Variants in MPP7 observed in about 807,000 individuals in gnomAD.
MPP7 encodes the protein MAGUK p55 subfamily member 7.
Under a neutral mutation model 76.5 loss-of-function variants are expected in MPP7, and 60 were observed. That is an observed-to-expected ratio of 0.78 (90% confidence interval 0.64 to 0.97). MPP7 has a LOEUF of 0.97. MPP7 is among the 50% of genes least tolerant of loss of function. MPP7 has a pLI of 0.00. For missense variants in MPP7, 641 were observed against 694.0 expected, an observed-to-expected ratio of 0.92 and a Z score of 0.86; for synonymous variants, 237 against 244.5, an observed-to-expected ratio of 0.97 and a Z score of 0.29.
rs1245063181 is a variant in MPP7 at position 28,124,036 on chromosome 10, T to C, written c.610A>G (p.Ile204Val). ...EDKRPEEIIQ[I>V]LAQSQGAITF... is the part of the protein sequence containing the mutation. ...AAAAGAAATTTACAGCTTACCAAAA[T>C]CTGTATTATTTCCTCAGGCCTTTTA... is the stretch of plus-strand genomic sequence containing the variant. Residue 204 changes from isoleucine to valine, a missense_variant, in exon 8 of 17, where the codon ATT becomes GTT. Ile to Val is a conservative substitution (Grantham distance 29). Coordinates refer to ENST00000683449, the MANE Select transcript of MPP7 (RefSeq NM_001318170.2). 2 of 1,599,126 alleles carry C rather than the reference T, an allele frequency of 1.3e-6. No homozygotes were observed. Among genetic ancestry groups the C allele is most frequent in the Admixed American group, 3.3e-5 (2 of 59,950 alleles).
upstream of MPP7, among the ~76,000 whole-genome samples, chr10:28,334,879 T>C (rs963653842): frequency 7.9e-5 from 12 of 152,252 alleles, no homozygotes; most frequent in African/African-American, 2.9e-4. Flanking sequence ...CCTATTGTTG[T>C]GTAACAAATT....
intron 16 of MPP7, among the ~76,000 whole-genome samples, chr10:28,055,469 T>G (rs1450497000): frequency 6.6e-6 from 1 of 152,202 alleles, no homozygotes; most frequent in Non-Finnish European, 1.5e-5. Context: ...CTCTTCACAT[T>G]TAATTTCTTT....
chr10:28,055,859 T>G (rs764471014), intron 16 of MPP7, among the ~76,000 whole-genome samples: 1 of 151,830 alleles, frequency 6.6e-6, no homozygotes, highest in Non-Finnish European at 1.5e-5. Flanking sequence ...AATGTTCACA[T>G]AATAGTATAC....
At chr10:28,154,441 T>C (rs538856729) in intron 3 of MPP7, among the ~76,000 whole-genome samples, 3 of 152,304 alleles carry the variant, frequency 2.0e-5, no homozygotes, top group South Asian at 2.1e-4. Flanking sequence ...AACTGGTACT[T>C]TGCCTTCAAT....
At chr10:28,265,469 G>A (rs1840120664) in intron 1 of MPP7, among the ~76,000 whole-genome samples, 2 of 152,046 alleles carry the variant, frequency 1.3e-5, no homozygotes, top group Non-Finnish European at 2.9e-5. Context: ...TGAGGTGGGA[G>A]GATTGCTTGA....
intron 2 of MPP7, among the ~76,000 whole-genome samples, chr10:28,230,760 G>A (rs1838854259): frequency 6.6e-6 from 1 of 152,166 alleles, no homozygotes; most frequent in African/African-American, 2.4e-5. Flanking sequence ...AGGTTGCAGT[G>A]AGCCAAGATC....
At chr10:28,096,153 G>T (rs917767690) in intron 11 of MPP7, among the ~76,000 whole-genome samples, 18 of 152,142 alleles carry the variant, frequency 1.2e-4, no homozygotes, top group African/African-American at 4.1e-4. Context: ...AGTTCAATAA[G>T]ACTGCAATAA....
chr10:28,127,940 G>A (rs554559409), intron 6 of MPP7, among the ~76,000 whole-genome samples: 1 of 152,346 alleles, frequency 6.6e-6, no homozygotes, highest in African/African-American at 2.4e-5. Flanking sequence ...GACACAGCCA[G>A]TGCAAAGGTG....
intron 1 of MPP7, among the ~76,000 whole-genome samples, chr10:28,285,320 G>T (rs150658858): frequency 0.014 from 2,071 of 152,268 alleles, 21 homozygotes; most frequent in Middle Eastern, 0.044. Flanking sequence ...CAGTAACTGG[G>T]ATTACAGGCA....
intron 1 of MPP7, among the ~76,000 whole-genome samples, chr10:28,285,505 A>T (rs1840770816): frequency 6.6e-6 from 1 of 152,206 alleles, no homozygotes; most frequent in Admixed American, 6.6e-5. Flanking sequence ...TTCTGTACTA[A>T]CTAGATCTCA....
At chr10:28,197,736 A>T (rs938563576) in intron 3 of MPP7, among the ~76,000 whole-genome samples, 1 of 152,162 alleles carries the variant, frequency 6.6e-6, no homozygotes, top group Non-Finnish European at 1.5e-5. Flanking sequence ...CCATATAGTA[A>T]CTGGCATAGA....
chr10:28,201,443 T>C (rs776042119), intron 3 of MPP7, among the ~76,000 whole-genome samples: 1 of 152,162 alleles, frequency 6.6e-6, no homozygotes, highest in Non-Finnish European at 1.5e-5. Flanking sequence ...TCTTTCAGCT[T>C]GAGTTAGATG....
chr10:28,069,762 C>G lies in MPP7; in HGVS notation c.1204+10G>C, dbSNP rs367875876. ...GTAGTCATAGGAACACTGAGTAGCGCAGAACTCACGGGGCACTGTCACGCC... is the reference window on the plus strand; with the variant it reads ...GTAGTCATAGGAACACTGAGTAGCGGAGAACTCACGGGGCACTGTCACGCC... On this transcript the variant is annotated intron_variant, in intron 13 of 16. Coordinates refer to ENST00000683449, the MANE Select transcript of MPP7 (RefSeq NM_001318170.2). 1.9e-6 allele frequency: 3 copies of G among 1,610,356 alleles called. No individual in the cohort carries two copies. In the African/African-American group the frequency reaches 4.0e-5, roughly 22 times the overall value.
chr10:28,160,022 T>C (rs1836204584), intron 3 of MPP7, among the ~76,000 whole-genome samples: 1 of 152,104 alleles, frequency 6.6e-6, no homozygotes, highest in South Asian at 2.1e-4. Context: ...TTTTCAAAAT[T>C]CTAATACTTG....
At chr10:28,316,127 G>A (rs868158191) in intron 2 of MPP7, among the ~76,000 whole-genome samples, 13 of 152,094 alleles carry the variant, frequency 8.5e-5, no homozygotes, top group South Asian at 2.1e-4. Flanking sequence ...AACAGTAAAA[G>A]GATATCACAT....
At chr10:28,332,985 A>G (rs1435354942) in intron 1 of MPP7, among the ~76,000 whole-genome samples, 2 of 152,014 alleles carry the variant, frequency 1.3e-5, no homozygotes, top group Non-Finnish European at 2.9e-5. Context: ...TACAGAGGAA[A>G]CCATGTCAAG....
intron 13 of MPP7, among the ~76,000 whole-genome samples, chr10:28,060,488 C>T (rs966396642): frequency 2.4e-4 from 36 of 152,254 alleles, no homozygotes; most frequent in Admixed American, 1.7e-3. Context: ...AAGAAACTAC[C>T]CGAACACTTT....
At chr10:28,112,205 G>A (rs17831032) in intron 11 of MPP7, among the ~76,000 whole-genome samples, 4,969 of 152,238 alleles carry the variant, frequency 0.033, 162 homozygotes, top group South Asian at 0.12. Flanking sequence ...AGAAATAAAC[G>A]ATATGATGTG....
At chr10:28,143,403 C>G (rs1163395554) in intron 5 of MPP7, among the ~76,000 whole-genome samples, 1 of 152,108 alleles carries the variant, frequency 6.6e-6, no homozygotes, top group Admixed American at 6.5e-5. Flanking sequence ...CCTTTTAAGT[C>G]TTTATCAAGT....
Sources: gnomAD v4.1 joint callset for allele counts (sites outside exome capture counted in the v4.1 genomes callset) on GRCh38, gnomAD v4.1.1 for gene constraint, MANE v1.5 for transcripts, NCBI Gene and HGNC (gene_info 2026-07-23, HGNC 2026-07-21) for gene names.